Variants in LMCD1 observed in about 807,000 individuals in gnomAD.
The protein encoded by LMCD1 is LIM and cysteine rich domains 1.
Under a neutral mutation model 42.7 loss-of-function variants are expected in LMCD1, and 32 were observed. The observed-to-expected ratio is 0.75, with a 90% CI of 0.57 to 1.01. The LOEUF (loss-of-function observed/expected upper bound fraction) is 1.01, where lower values mean the gene tolerates loss of function less well. LMCD1 is among the 50% of genes least tolerant of loss of function. The probability of loss-of-function intolerance (pLI) is 0.00; values close to 1 mark genes in which losing one functional copy is unlikely to be tolerated. For synonymous variants in LMCD1, 178 were observed against 184.9 expected, an observed-to-expected ratio of 0.96 and a Z score of 0.30; for missense variants, 458 against 483.1, an observed-to-expected ratio of 0.95 and a Z score of 0.49.
chr3:8,510,683 C>T (rs1192683661), intron 1 of LMCD1, among the ~76,000 whole-genome samples: 1 of 152,134 alleles, frequency 6.6e-6, no homozygotes, highest in Admixed American at 6.5e-5. Flanking sequence ...CTCATCCCTG[C>T]TCTGAAATGG....
At chr3:8,564,472 A>G (rs1695093881) in intron 4 of LMCD1, among the ~76,000 whole-genome samples, 1 of 152,076 alleles carries the variant, frequency 6.6e-6, no homozygotes, top group South Asian at 2.1e-4. Flanking sequence ...GGGTCTTGCT[A>G]TGTTGCCCAG....
At chr3:8,566,767 A>G (rs1695139114) in intron 5 of LMCD1, among the ~76,000 whole-genome samples, 1 of 152,232 alleles carries the variant, frequency 6.6e-6, no homozygotes, top group African/African-American at 2.4e-5. Flanking sequence ...GTGTCAGTCA[A>G]CATTCTAAGC....
intron 1 of LMCD1, among the ~76,000 whole-genome samples, chr3:8,525,238 G>A (rs1694278770): frequency 6.6e-6 from 1 of 152,092 alleles, no homozygotes; most frequent in Non-Finnish European, 1.5e-5. Flanking sequence ...TCTCTTCTGT[G>A]TTTCTATGAG....
intron 1 of LMCD1, among the ~76,000 whole-genome samples, chr3:8,502,895 T>G (rs576577076): frequency 6.6e-6 from 1 of 152,100 alleles, no homozygotes; most frequent in Non-Finnish European, 1.5e-5. Flanking sequence ...ATCGGGAAAC[T>G]GAGGCCCGGG....
chr3:8,505,402 A>G (rs1452323516), intron 1 of LMCD1, among the ~76,000 whole-genome samples: 1 of 152,206 alleles, frequency 6.6e-6, no homozygotes, highest in Non-Finnish European at 1.5e-5. Context: ...TTAGGCCTCG[A>G]AGGGGACTTG....
intron 4 of LMCD1, among the ~76,000 whole-genome samples, chr3:8,564,490 T>C (rs1047726173): frequency 6.6e-6 from 1 of 152,116 alleles, no homozygotes; most frequent in Non-Finnish European, 1.5e-5. Context: ...CAGGCTGGTC[T>C]CAAACTCCTG....
At chr3:8,565,332 G>T in intron 4 of LMCD1, 100 bp from the exon 5 acceptor site, 1 of 1,033,870 alleles carries the variant, frequency 9.7e-7, no homozygotes, top group South Asian at 1.4e-5. Flanking sequence ...ACTTGCCCAA[G>T]GTCACCCAGG....
At chr3:8,513,496 A>T (rs1002401541) in intron 1 of LMCD1, among the ~76,000 whole-genome samples, 2 of 152,180 alleles carry the variant, frequency 1.3e-5, no homozygotes, top group African/African-American at 4.8e-5. Context: ...GGCAAGAAAG[A>T]GGTGCCAGGC....
At chr3:8,519,928 G>A (rs1694171543) in intron 1 of LMCD1, among the ~76,000 whole-genome samples, 1 of 150,174 alleles carries the variant, frequency 6.7e-6, no homozygotes. Context: ...GAGAGAGAGT[G>A]TGTGTGTGTG....
At chr3:8,505,857 C>T (rs189129268) in intron 1 of LMCD1, among the ~76,000 whole-genome samples, 29 of 152,358 alleles carry the variant, frequency 1.9e-4, no homozygotes, top group Non-Finnish European at 3.1e-4. Context: ...TGGCACATCA[C>T]CCGGGTGAGC....
chr3:8,522,798 T>C (rs547906469), intron 1 of LMCD1, among the ~76,000 whole-genome samples: 1 of 152,076 alleles, frequency 6.6e-6, no homozygotes, highest in South Asian at 2.1e-4. Context: ...GATTGAACAA[T>C]TTAATTAATT....
chr3:8,509,069 T>C (rs1188789264), intron 1 of LMCD1, among the ~76,000 whole-genome samples: 1 of 152,172 alleles, frequency 6.6e-6, no homozygotes, highest in African/African-American at 2.4e-5. Flanking sequence ...TAGCTCACCG[T>C]AGTTCTACAT....
intron 1 of LMCD1, among the ~76,000 whole-genome samples, chr3:8,509,616 A>G (rs576918802): frequency 6.6e-6 from 1 of 152,362 alleles, no homozygotes; most frequent in South Asian, 2.1e-4. Context: ...TTCATAAGGC[A>G]GGAGACAGGC....
intron 1 of LMCD1, among the ~76,000 whole-genome samples, chr3:8,511,310 C>G (rs978892803): frequency 6.6e-6 from 1 of 152,116 alleles, no homozygotes; most frequent in Non-Finnish European, 1.5e-5. Context: ...TTGGCCAACT[C>G]TAAGAATTTA....
At chr3:8,566,460 C>T (rs562845412) in intron 5 of LMCD1, among the ~76,000 whole-genome samples, 1 of 152,282 alleles carries the variant, frequency 6.6e-6, no homozygotes, top group East Asian at 1.9e-4. Context: ...AGTTAAGACC[C>T]TGTAGTCCTC....
chr3:8,517,054 C>T (rs554049314), intron 1 of LMCD1, among the ~76,000 whole-genome samples: 1 of 152,310 alleles, frequency 6.6e-6, no homozygotes, highest in South Asian at 2.1e-4. Flanking sequence ...GATTAAGTCC[C>T]ATGGTTACAT....
intron 1 of LMCD1, among the ~76,000 whole-genome samples, chr3:8,510,291 C>T (rs1693971745): frequency 6.6e-6 from 1 of 152,194 alleles, no homozygotes; most frequent in African/African-American, 2.4e-5. Context: ...CACACGGGTG[C>T]TCCCCACCCC....
chr3:8,505,201 A>C (rs1693854981), intron 1 of LMCD1, among the ~76,000 whole-genome samples: 2 of 152,222 alleles, frequency 1.3e-5, no homozygotes, highest in Non-Finnish European at 2.9e-5. Context: ...TAACTGCCCC[A>C]TCTGAAGAGC....
intron 4 of LMCD1, chr3:8,550,118 AAGG>A: frequency 7.2e-7 from 1 of 1,390,628 alleles, no homozygotes; most frequent in African/African-American, 1.5e-5. Context: ...AGAAAACAGA[AAGG>A]AGAAGCCAGA....
Sources: gnomAD v4.1 joint callset for allele counts (sites outside exome capture counted in the v4.1 genomes callset) on GRCh38, gnomAD v4.1.1 for gene constraint, MANE v1.5 for transcripts, NCBI Gene and HGNC (gene_info 2026-07-23, HGNC 2026-07-21) for gene names.